The following POLE variants were observed in gnomAD, a reference collection of about 807,000 sequenced individuals.
POLE encodes the protein DNA polymerase epsilon, catalytic subunit, also known as DNA polymerase epsilon catalytic subunit A.
POLE carries 188 observed loss-of-function variants against 279.2 expected under a neutral mutation model. That is an observed-to-expected ratio of 0.67 (90% CI 0.60 to 0.76). The LOEUF (loss-of-function observed/expected upper bound fraction) is 0.76. Among genes scored for constraint, POLE ranks in the 30% least tolerant of loss-of-function variants. POLE has a pLI of 0.00. For missense variants in POLE, 2,703 were observed against 3,016.7 expected (o/e 0.90, Z 2.44); for synonymous variants, 1,214 against 1,172.5 (o/e 1.04, Z -0.72).
intron 39 of POLE, among the ~76,000 whole-genome samples, chr12:132,640,008 C>A (rs2042110249): frequency 6.6e-6 from 1 of 151,940 alleles, no homozygotes; most frequent in African/African-American, 2.4e-5. Flanking sequence ...ATCACCATAC[C>A]CACATGGCCC....
intron 32 of POLE, among the ~76,000 whole-genome samples, chr12:132,647,759 C>T (rs115153306): frequency 1.1e-3 from 169 of 152,252 alleles, no homozygotes; most frequent in African/African-American, 3.8e-3. Flanking sequence ...CACAGCACCA[C>T]GCATCGAAAG....
At chr12:132,627,525 C>T (rs1469787120) in intron 45 of POLE, among the ~76,000 whole-genome samples, 1 of 150,662 alleles carries the variant, frequency 6.6e-6, no homozygotes, top group South Asian at 2.1e-4. Flanking sequence ...TCTTGAACTG[C>T]TGGGCTCAAA....
intron 29 of POLE, among the ~76,000 whole-genome samples, chr12:132,656,885 A>G (rs2042552499): frequency 6.6e-6 from 1 of 152,210 alleles, no homozygotes; most frequent in Non-Finnish European, 1.5e-5. Flanking sequence ...GAGTCTAAGT[A>G]GTGCACCCTA....
rs757730153 is a variant in POLE at position 132,668,892 on chromosome 12, G to A, written c.1842C>T (p.Pro614=). The change falls in exon 17 of 49, where the codon CCC becomes CCT. Residue 614 remains proline (P), a synonymous_variant. Coordinates refer to ENST00000320574, the MANE Select transcript of POLE (RefSeq NM_006231.4). The surrounding 1 kb of genome is among the most constrained non-coding windows in gnomAD (Gnocchi z 4.0). ...AGATGAGTGGACACTCGATGCGGCT[G>A]GGAACGTCCTTCAGGGAGGCAAGCT... The part of the protein sequence containing the change: ...KSKLASLKDV[P]SRIECPLIYH... The A allele has an allele frequency of 1.2e-6, 2 of 1,614,096 alleles. No homozygotes were observed. Among genetic ancestry groups the A allele is most frequent in the South Asian group, 1.1e-5 (1 of 91,074 alleles).
chr12:132,654,762 A>G (rs867045380), intron 29 of POLE, among the ~76,000 whole-genome samples: 4 of 152,250 alleles, frequency 2.6e-5, no homozygotes, highest in South Asian at 2.1e-4. Flanking sequence ...ACTGTACTCC[A>G]GCCTGGGTGA....
In POLE at chr12:132,664,563, G is replaced by A; in HGVS notation, c.2469-101C>T. On this transcript the variant is annotated intron_variant, in intron 21 of 48. Coordinates refer to ENST00000320574, the MANE Select transcript of POLE (RefSeq NM_006231.4). The surrounding 1 kb of genome is among the most constrained non-coding windows in gnomAD (Gnocchi z 5.3). ...GGAGGAGGAAAGGAGAGATGCGACA[G>A]GGACAAGGGAAGCAGCCAAATGTGC... 1.2e-6 allele frequency: 1 copy of A among 869,466 alleles called. No homozygotes were observed. Among genetic ancestry groups the A allele is most frequent in the Non-Finnish European group, 1.9e-6 (1 of 530,068 alleles). 53.9% of individuals were successfully genotyped at this position (869,466 alleles called of 1,614,324 possible). A position where few individuals can be genotyped will look rare whatever the true frequency, so the allele number is the denominator to read the frequency against.
Position 132,634,462 on chromosome 12 carries a change from A to G in POLE, c.5812-84T>C. On this transcript the variant is annotated intron_variant, in intron 42 of 48. Coordinates refer to ENST00000320574, the MANE Select transcript of POLE (RefSeq NM_006231.4). This position sits in a 1 kb window ranked among gnomAD's most constrained non-coding sequence, Gnocchi z 4.0. Reference sequence around the variant, plus strand: ...GGATGCCACAGCGAAGGCTCCTCCAACCTGGGTCCATCTGCCCCGTTTGAC... The same window carrying G: ...GGATGCCACAGCGAAGGCTCCTCCAGCCTGGGTCCATCTGCCCCGTTTGAC... The G allele has an allele frequency of 1.5e-6, 2 of 1,367,250 alleles. No homozygotes were observed. Among genetic ancestry groups the G allele is most frequent in the South Asian group, 2.6e-5 (2 of 75,954 alleles). The allele number at this position is 1,367,250 out of a possible 1,614,324, so 84.7% of individuals were successfully genotyped here.
intron 13 of POLE, 105 bp downstream of exon 13, chr12:132,673,470 G>GGCA: frequency 6.6e-7 from 1 of 1,517,216 alleles, no homozygotes; most frequent in Non-Finnish European, 9.0e-7. Flanking sequence ...GCGTGCACAC[G>GGCA]GCAGCAGGGG....
At chr12:132,625,430 G>T (rs376207297) in intron 47 of POLE, 4 of 768,152 alleles carry the variant, frequency 5.2e-6, no homozygotes, top group Admixed American at 1.7e-5. Context: ...CTAGAACGAA[G>T]CACCCACAAG....
intron 26 of POLE, 123 bp downstream of exon 26, chr12:132,659,172 G>C: frequency 2.0e-6 from 2 of 1,000,294 alleles, no homozygotes; most frequent in East Asian, 2.6e-5. Context: ...TTACCTCTCC[G>C]TGACAGGGCA....
At chr12:132,641,595 C>T in intron 39 of POLE, 52 bp downstream of exon 39, 8 of 1,502,664 alleles carry the variant, frequency 5.3e-6, no homozygotes, top group Non-Finnish European at 7.4e-6. Flanking sequence ...AAATTAAGGG[C>T]AAAGGATAAG....
chr12:132,668,666 C>T lies in POLE; in HGVS notation c.1995G>A (p.Arg665=). The change falls in exon 18 of 49, where the codon CGG becomes CGA. Residue 665 remains arginine (R), a synonymous_variant. Transcript: ENST00000320574. The surrounding 1 kb of genome is among the most constrained non-coding windows in gnomAD (Gnocchi z 4.0). The part of the protein sequence containing the change: ...DFNKPGANCQ[R]KMAWQWRGEF... ...CGCCCCTCCACTGCCAGGCCATCTTCCGCTGGCAGTTTGCTCCAGGCTTAT... is the reference window on the plus strand; with the variant it reads ...CGCCCCTCCACTGCCAGGCCATCTTTCGCTGGCAGTTTGCTCCAGGCTTAT... The T allele has an allele frequency of 6.2e-7, 1 of 1,613,796 alleles. No individual in the cohort carries two copies. Among genetic ancestry groups the T allele is most frequent in the Non-Finnish European group, 8.5e-7 (1 of 1,179,690 alleles).
intron 23 of POLE, among the ~76,000 whole-genome samples, chr12:132,663,599 T>G (rs2042726033): frequency 6.6e-6 from 1 of 151,914 alleles, no homozygotes; most frequent in African/African-American, 2.4e-5. Flanking sequence ...GGGGCTATGG[T>G]GGGAAATGGG....
chr12:132,624,669 C>T lies in POLE; in HGVS notation c.*28G>A, dbSNP rs1473860932. 2.0e-5 allele frequency: 27 copies of T among 1,360,542 alleles called. No individual in the cohort carries two copies. The highest frequency in any genetic ancestry group is 2.2e-4 in the Middle Eastern group (1 of 4,558). The allele number at this position is 1,360,542 out of a possible 1,614,324, so 84.3% of individuals were successfully genotyped here. A position where few individuals can be genotyped will look rare whatever the true frequency, so the allele number is the denominator to read the frequency against. On this transcript the variant is annotated 3_prime_UTR_variant, in exon 49 of 49. Coordinates refer to ENST00000320574, the MANE Select transcript of POLE (RefSeq NM_006231.4). ...TTGGCATCAGGAGGCCTGGCACGGA[C>T]GCAGAGGCACCCGGGGCCCGGGGCT... is the stretch of plus-strand genomic sequence containing the variant.
Position 132,639,417 on chromosome 12 carries a change from C to T in POLE, c.5379-119G>A. On this transcript the variant is annotated intron_variant, in intron 39 of 48. Transcript: ENST00000320574. This position sits in a 1 kb window ranked among gnomAD's most constrained non-coding sequence, Gnocchi z 4.7. ...TACACGGCTGGGTCCAAATCCGTCA[C>T]TGTCGCCTCCCCTTCTCACTGTCCC... 1 of 844,138 alleles carries T rather than the reference C, an allele frequency of 1.2e-6. No homozygotes were observed. The highest frequency in any genetic ancestry group is 1.9e-6 in the Non-Finnish European group (1 of 538,608). The allele number at this position is 844,138 out of a possible 1,614,324, so 52.3% of individuals were successfully genotyped here.
In POLE at chr12:132,683,398, C is replaced by T. The variant is rs769925225; in HGVS notation, c.63-2119G>A. Among the ~76,000 whole-genome samples the T allele has an allele frequency of 9.2e-4, 140 of 152,120 alleles. 1 individual carries two copies. The highest frequency in any genetic ancestry group is 6.2e-4 in the South Asian group (3 of 4,814). ...AAGCAGCAAGGAAACAGATTCTCCCCCGGGAACCATCACAATAAATATAAC... is the reference window on the plus strand; with the variant it reads ...AAGCAGCAAGGAAACAGATTCTCCCTCGGGAACCATCACAATAAATATAAC... On this transcript the variant is annotated intron_variant, in intron 1 of 48. Transcript: ENST00000320574.
At chr12:132,679,426 A>C in intron 6 of POLE, 71 bp downstream of exon 6, 1 of 1,455,030 alleles carries the variant, frequency 6.9e-7, no homozygotes, top group East Asian at 2.3e-5. Context: ...CTTTGTTGCT[A>C]CGTGTTCCTG....
chr12:132,653,454 T>C (rs1249023559), intron 29 of POLE, among the ~76,000 whole-genome samples: 1 of 152,252 alleles, frequency 6.6e-6, no homozygotes. Flanking sequence ...TAGTACATTA[T>C]TTATTGCTAT....
intron 10 of POLE, 47 bp downstream of exon 10, chr12:132,676,047 C>T (rs541146992): frequency 1.0e-5 from 13 of 1,258,468 alleles, no homozygotes; most frequent in African/African-American, 1.5e-5. Flanking sequence ...TCCACATGTC[C>T]GTTCTTCCCA....
Sources: allele counts gnomAD v4.1 joint callset (sites outside exome capture counted in the v4.1 genomes callset), GRCh38; gene constraint gnomAD v4.1.1; non-coding constraint Gnocchi (gnomAD v3.1); transcripts MANE v1.5; gene names NCBI Gene and HGNC (gene_info 2026-07-23, HGNC 2026-07-21).